MORN1: variants seen among roughly 807,000 people sequenced by gnomAD.
The protein encoded by MORN1 is MORN repeat containing 1.
A neutral mutation model predicts 61.9 loss-of-function variants in MORN1; 67 were observed. The observed-to-expected ratio is 1.08, with a 90% CI of 0.89 to 1.33. The LOEUF (loss-of-function observed/expected upper bound fraction) is 1.33, where lower values mean the gene tolerates loss of function less well. Among genes scored for constraint, MORN1 ranks in the 40% most tolerant of loss-of-function variants. The pLI, the probability that MORN1 is intolerant of heterozygous loss-of-function variation, is 0.00. For synonymous variants in MORN1, 301 were observed against 292.0 expected (o/e 1.03, Z -0.31); for missense variants, 752 against 691.2 (o/e 1.09, Z -0.99).
intron 12 of MORN1, among the ~76,000 whole-genome samples, chr1:2,329,946 G>A (rs958981162): frequency 2.0e-5 from 3 of 152,182 alleles, no homozygotes; most frequent in Non-Finnish European, 4.4e-5. Flanking sequence ...GGAGACCAGC[G>A]TGCCCAGGAG....
intron 8 of MORN1, among the ~76,000 whole-genome samples, chr1:2,360,132 C>T (rs1641861544): frequency 6.6e-6 from 1 of 152,188 alleles, no homozygotes; most frequent in African/African-American, 2.4e-5. Flanking sequence ...TGGCACTAGG[C>T]ACAGGTCCAG....
intron 8 of MORN1, chr1:2,371,226 C>CACA (rs1553219622): frequency 0.13 from 18,983 of 148,592 alleles, 2,345 homozygotes; most frequent in African/African-American, 0.34. Flanking sequence ...CAACAACAAC[C>CACA]ACAACAACAA....
At chr1:2,351,920 G>A in intron 10 of MORN1, 1 of 517,370 alleles carries the variant, frequency 1.9e-6, no homozygotes, top group Non-Finnish European at 3.8e-6. Context: ...AACCTGGTAT[G>A]AGGCCACCCA....
intron 10 of MORN1, among the ~76,000 whole-genome samples, chr1:2,342,133 C>G (rs77880816): frequency 0.13 from 19,343 of 152,318 alleles, 1,538 homozygotes; most frequent in Middle Eastern, 0.21. Flanking sequence ...CACCGTACGA[C>G]CTCGGGGGCC....
At chr1:2,328,677 G>A (rs1199325970) in intron 12 of MORN1, among the ~76,000 whole-genome samples, 1 of 152,208 alleles carries the variant, frequency 6.6e-6, no homozygotes, top group East Asian at 1.9e-4. Context: ...CTTGGAAACT[G>A]TTGTCACCTC....
At chr1:2,347,160 C>T (rs554600959) in intron 10 of MORN1, among the ~76,000 whole-genome samples, 1 of 152,328 alleles carries the variant, frequency 6.6e-6, no homozygotes, top group Admixed American at 6.5e-5. Flanking sequence ...GATGCCGCCC[C>T]CACACAGCTT....
chr1:2,332,423 C>G (rs898550515), intron 12 of MORN1: 2 of 358,020 alleles, frequency 5.6e-6, no homozygotes, highest in African/African-American at 4.3e-5. Context: ...GGTCCACACT[C>G]AGGTTCTTCC....
intron 10 of MORN1, among the ~76,000 whole-genome samples, chr1:2,353,188 C>G (rs564473624): frequency 6.6e-6 from 1 of 152,320 alleles, no homozygotes; most frequent in African/African-American, 2.4e-5. Context: ...CAAATGTGAG[C>G]AAGGGACTTC....
chr1:2,329,013 G>C (rs1641093220), intron 12 of MORN1, among the ~76,000 whole-genome samples: 1 of 152,214 alleles, frequency 6.6e-6, no homozygotes. Flanking sequence ...TTGGATTCTT[G>C]GGCCCAAGCC....
Position 2,342,194 on chromosome 1 carries a change from C to T in MORN1, c.1037-5344G>A, listed in dbSNP as rs140326035. ...CCGGGACGGGATCGGGCAGCTTGAC[C>T]GCTCTGGAGGGAAATTCCAATTCAT... is the stretch of plus-strand genomic sequence containing the variant. On this transcript the variant is annotated intron_variant, in intron 10 of 13. Transcript: ENST00000378531. Among the ~76,000 whole-genome samples the T allele has an allele frequency of 5.2e-4, 80 of 152,394 alleles. 1 individual carries two copies. In the East Asian group the frequency reaches 8.1e-3, roughly 15 times the overall value.
Position 2,372,355 on chromosome 1 carries a change from G to C in MORN1, c.745+126C>G. The C allele has an allele frequency of 1.4e-6, 1 of 716,190 alleles. No individual in the cohort carries two copies. Among genetic ancestry groups the C allele is most frequent in the Non-Finnish European group, 2.3e-6 (1 of 433,740 alleles). 44.4% of individuals were successfully genotyped at this position (716,190 alleles called of 1,614,324 possible). A position where few individuals can be genotyped will look rare whatever the true frequency, so the allele number is the denominator to read the frequency against. ...CCTGCGACCTCTCTGCCAGGCTCTG[G>C]GCACGAAGTCACTGCTGTGCCTCAG... On this transcript the variant is annotated intron_variant, in intron 8 of 13. Transcript: ENST00000378531. This position sits in a 1 kb window ranked among gnomAD's most constrained non-coding sequence, Gnocchi z 5.4.
intron 10 of MORN1, among the ~76,000 whole-genome samples, chr1:2,349,445 A>G (rs1214122955): frequency 6.6e-6 from 1 of 152,198 alleles, no homozygotes. Context: ...CCACACGCAC[A>G]TCCCGAAGTC....
intron 12 of MORN1, among the ~76,000 whole-genome samples, chr1:2,324,469 T>C (rs1446304677): frequency 6.6e-6 from 1 of 152,026 alleles, no homozygotes; most frequent in Non-Finnish European, 1.5e-5. Flanking sequence ...CCTCCCAGGG[T>C]GCAACTGAGA....
In MORN1 at chr1:2,389,923, AC is replaced by A. The variant is rs1434176316; in HGVS notation, c.148+1del. 2 of 1,613,834 alleles carry A rather than the reference AC, an allele frequency of 1.2e-6. No homozygotes were observed. Among genetic ancestry groups the A allele is most frequent in the Non-Finnish European group, 1.7e-6 (2 of 1,179,760 alleles). On this transcript the variant is annotated splice_donor_variant, in intron 2 of 13. Coordinates refer to ENST00000378531, the MANE Select transcript of MORN1 (RefSeq NM_024848.3). LOFTEE classifies it high-confidence loss of function. ...CAAGAAGAGACCACAGATGCTTCTC[AC>A]CGTGCTTCCTCCCTGCTTTCCATTC...
chr1:2,324,069 G>A (rs762877545), intron 13 of MORN1, 28 bp downstream of exon 13: 3 of 1,583,694 alleles, frequency 1.9e-6, no homozygotes, highest in Non-Finnish European at 2.6e-6. Flanking sequence ...GGCACAGCCG[G>A]CGATGGACTT....
intron 10 of MORN1, chr1:2,355,353 C>A (rs528213318): frequency 6.5e-7 from 1 of 1,527,294 alleles, no homozygotes; most frequent in Non-Finnish European, 8.8e-7. Context: ...CCTGCTGCCC[C>A]ACCTGGGATG....
intron 10 of MORN1, among the ~76,000 whole-genome samples, chr1:2,347,351 C>G (rs1027471950): frequency 6.6e-6 from 1 of 152,172 alleles, no homozygotes; most frequent in Non-Finnish European, 1.5e-5. Flanking sequence ...GCAGATGGCC[C>G]GTGTGTGTGC....
At chr1:2,322,065 G>T in intron 13 of MORN1, 3 of 985,320 alleles carry the variant, frequency 3.0e-6, no homozygotes, top group Non-Finnish European at 2.4e-6. Flanking sequence ...TTGAAGCCCC[G>T]CCCTGGCCCC....
In MORN1 at chr1:2,335,678, C is replaced by A. The variant is rs559508170; in HGVS notation, c.1250+791G>T. 6.3e-3 allele frequency among the ~76,000 whole-genome samples: 961 copies of A among 152,344 alleles called. 3 individuals carry two copies. Among genetic ancestry groups the A allele is most frequent in the Non-Finnish European group, 0.011 (757 of 68,026 alleles). On this transcript the variant is annotated intron_variant, in intron 12 of 13. Coordinates refer to ENST00000378531, the MANE Select transcript of MORN1 (RefSeq NM_024848.3). ...ACGTCACAGCTTCCACCCAAGGAAA[C>A]AAGAGCGAGTGCCTGGCAGGCGGGT...
Sources: gnomAD v4.1 joint callset for allele counts (sites outside exome capture counted in the v4.1 genomes callset) on GRCh38, gnomAD v4.1.1 for gene constraint, Gnocchi (gnomAD v3.1) non-coding constraint, MANE v1.5 for transcripts, NCBI Gene and HGNC (gene_info 2026-07-23, HGNC 2026-07-21) for gene names.